The following ZFP82 variants were observed in gnomAD, a reference collection of about 807,000 sequenced individuals.
ZFP82 encodes zinc finger protein 82 homolog.
A neutral mutation model predicts 54.0 loss-of-function variants in ZFP82; 30 were observed. The observed-to-expected ratio is 0.56, with a 90% CI of 0.42 to 0.75. The LOEUF (loss-of-function observed/expected upper bound fraction) is 0.75. Ranked by LOEUF, ZFP82 falls within the 30% of genes least tolerant of loss-of-function variation. ZFP82 has a pLI of 0.00. For missense variants in ZFP82, 500 were observed against 636.8 expected (o/e 0.79, Z 2.31); for synonymous variants, 194 against 209.5 (o/e 0.93, Z 0.64).
At chr19:36,383,304 T>G (rs1345347293) in exon 2 of ZFP82, 1 of 152,184 alleles carries the variant, frequency 6.6e-6, no homozygotes, top group African/African-American at 2.4e-5. Context: ...CTAACATACC[T>G]GCCTTAATGA....
chr19:36,406,050 ATTG>A (rs2032476487), intron 3 of ZFP82, among the ~76,000 whole-genome samples: 3 of 152,152 alleles, frequency 2.0e-5, no homozygotes, highest in South Asian at 4.1e-4. Context: ...TTATATGATT[ATTG>A]TTAAGATTAT....
intron 1 of ZFP82, among the ~76,000 whole-genome samples, chr19:36,412,794 CTGACAATGCTTGCTACAA>C (rs1311077961): frequency 1.3e-5 from 2 of 152,226 alleles, no homozygotes; most frequent in Non-Finnish European, 2.9e-5. Context: ...TGGTCGTGAC[CTGACAATGCTTGCTACAA>C]TCAGCTGTCT....
chr19:36,405,443 C>T, intron 4 of ZFP82, 137 bp downstream of exon 4: 5 of 537,174 alleles, frequency 9.3e-6, no homozygotes, highest in Non-Finnish European at 1.6e-5. Flanking sequence ...GACCTTTCCT[C>T]CTTGGGCCAC....
chr19:36,401,530 C>T (rs2032384549), intron 4 of ZFP82, among the ~76,000 whole-genome samples: 1 of 152,210 alleles, frequency 6.6e-6, no homozygotes, highest in Non-Finnish European at 1.5e-5. Context: ...ACAGCGCCTT[C>T]ATACACATCA....
intron 3 of ZFP82, among the ~76,000 whole-genome samples, chr19:36,406,291 A>G (rs2032480298): frequency 6.6e-6 from 1 of 152,178 alleles, no homozygotes; most frequent in African/African-American, 2.4e-5. Flanking sequence ...TAAGTGTACA[A>G]TTCAATGATT....
chr19:36,393,472 CT>C lies in ZFP82; in HGVS notation c.867del (p.Ala290ProfsTer8). The C allele has an allele frequency of 6.2e-7, 1 of 1,613,746 alleles. No individual in the cohort carries two copies. Among genetic ancestry groups the C allele is most frequent in the Non-Finnish European group, 8.5e-7 (1 of 1,179,940 alleles). On this transcript the variant is annotated frameshift_variant, in exon 5 of 5. Coordinates refer to ENST00000392161, the MANE Select transcript of ZFP82 (RefSeq NM_133466.4). LOFTEE classifies it high-confidence loss of function. ...EKPYVCKECG[K>X]AFRQYAHLTR... ...GTCAGGTGTGCGTACTGTCTAAAGG[CT>C]TTTCCACACTCTTTACACACATAGG...
In ZFP82 at chr19:36,417,950, T is replaced by C. The variant is rs891546043; in HGVS notation, c.-79+542A>G. ...GTCGGGTCTGAGCCTTGTTTCGCTG[T>C]TGCCCAGGCTGGAGAGTAGTGGTGC... is the stretch of plus-strand genomic sequence containing the variant. On this transcript the variant is annotated intron_variant, in intron 1 of 4. Coordinates refer to ENST00000392161, the MANE Select transcript of ZFP82 (RefSeq NM_133466.4). 2.0e-5 allele frequency among the ~76,000 whole-genome samples: 3 copies of C among 152,134 alleles called. No homozygotes were observed. The East Asian group carries it at 5.8e-4, about 29-fold the overall frequency.
At chr19:36,416,028 T>C (rs1310379825) in intron 1 of ZFP82, among the ~76,000 whole-genome samples, 1 of 152,242 alleles carries the variant, frequency 6.6e-6, no homozygotes, top group African/African-American at 2.4e-5. Context: ...TGTATAATCC[T>C]TGCAAAATGT....
intron 4 of ZFP82, among the ~76,000 whole-genome samples, chr19:36,397,250 G>A (rs894072674): frequency 2.6e-5 from 4 of 151,470 alleles, no homozygotes; most frequent in East Asian, 3.9e-4. Flanking sequence ...ACACCACCAC[G>A]CCCAGCTAAT....
chr19:36,388,922 T>G lies in ZFP82; in HGVS notation c.*3819A>C, dbSNP rs1568480888. On this transcript the variant is annotated 3_prime_UTR_variant, in exon 5 of 5. Transcript: ENST00000392161. ...TATTTCTCAATCCAGATGTTCTAAA[T>G]GCATTGCTTTAAATTTTCTACCAAG... 1.3e-5 allele frequency among the ~76,000 whole-genome samples: 2 copies of G among 152,230 alleles called. No homozygotes were observed.
At chr19:36,404,790 T>C (rs1415795014) in intron 4 of ZFP82, among the ~76,000 whole-genome samples, 1 of 152,238 alleles carries the variant, frequency 6.6e-6, no homozygotes, top group Non-Finnish European at 1.5e-5. Flanking sequence ...CACTTCCCAG[T>C]CTGTCAGAAT....
At position 36,418,613 on chromosome 19, in the gene ZFP82, G is replaced by C. The variant is rs1231272965; in HGVS notation, c.-200C>G. 2.0e-5 allele frequency: 3 copies of C among 152,342 alleles called. No individual in the cohort carries two copies. Among genetic ancestry groups the C allele is most frequent in the African/African-American group, 7.2e-5 (3 of 41,468 alleles). 9.4% of individuals were successfully genotyped at this position (152,342 alleles called of 1,614,324 possible). A position where few individuals can be genotyped will look rare whatever the true frequency, so the allele number is the denominator to read the frequency against. On this transcript the variant is annotated 5_prime_UTR_variant, in exon 1 of 5. Coordinates refer to ENST00000392161, the MANE Select transcript of ZFP82 (RefSeq NM_133466.4). ...CAGCGATGCCCGAACGGAGGAAGCC[G>C]CTGCCGGGTCACGCCACAATCCCCG... is the stretch of plus-strand genomic sequence containing the variant.
chr19:36,385,290 A>C (rs1339220067), downstream of ZFP82, among the ~76,000 whole-genome samples: 2 of 152,218 alleles, frequency 1.3e-5, no homozygotes, highest in African/African-American at 2.4e-5. Context: ...GAGGCCACTC[A>C]TAAGATGTCA....
In ZFP82 at chr19:36,414,700, C is replaced by T. The variant is rs573151117; in HGVS notation, c.-79+3792G>A. On this transcript the variant is annotated intron_variant, in intron 1 of 4. Transcript: ENST00000392161. Reference sequence around the variant, plus strand: ...TTAATAATGTTATCAAAAAAGGATTCACAGAAATCAAAAAGTAGAGCAAGG... The same window carrying T: ...TTAATAATGTTATCAAAAAAGGATTTACAGAAATCAAAAAGTAGAGCAAGG... Among the ~76,000 whole-genome samples the T allele has an allele frequency of 1.9e-4, 29 of 152,054 alleles. No homozygotes were observed. The East Asian group carries it at 5.4e-3, about 28-fold the overall frequency.
In ZFP82 at chr19:36,391,766, C is replaced by T. The variant is rs1468431148; in HGVS notation, c.*975G>A. On this transcript the variant is annotated 3_prime_UTR_variant, in exon 5 of 5. Coordinates refer to ENST00000392161, the MANE Select transcript of ZFP82 (RefSeq NM_133466.4). ...ACAGGCATGGGCCACCTCACCTGGT[C>T]TAGGGTATCTGTTTTTTAATGAACA... is the stretch of plus-strand genomic sequence containing the variant. The T allele has an allele frequency of 6.6e-6, 1 of 152,082 alleles. No individual in the cohort carries two copies. The highest frequency in any genetic ancestry group is 2.4e-5 in the African/African-American group (1 of 41,400). 9.4% of individuals were successfully genotyped at this position (152,082 alleles called of 1,614,324 possible).
intron 1 of ZFP82, among the ~76,000 whole-genome samples, chr19:36,414,783 C>A (rs1261460868): frequency 6.6e-6 from 1 of 151,946 alleles, no homozygotes; most frequent in Non-Finnish European, 1.5e-5. Flanking sequence ...TATCATAAAA[C>A]CAGCTCAAGA....
At chr19:36,408,161 G>T in intron 2 of ZFP82, 148 bp from the exon 3 acceptor site, 1 of 830,890 alleles carries the variant, frequency 1.2e-6, no homozygotes. Flanking sequence ...AGCGAGTCAG[G>T]AAATGAGTGT....
intron 2 of ZFP82, among the ~76,000 whole-genome samples, chr19:36,408,361 T>C (rs1443121464): frequency 1.3e-5 from 2 of 152,168 alleles, no homozygotes; most frequent in African/African-American, 2.4e-5. Context: ...GGAAGGTGAG[T>C]TCTTCCGCCC....
In ZFP82 at chr19:36,407,988, G is replaced by A. The variant is rs759248899; in HGVS notation, c.35C>T (p.Ser12Phe). 1 of 1,613,796 alleles carries A rather than the reference G, an allele frequency of 6.2e-7. No homozygotes were observed. Among genetic ancestry groups the A allele is most frequent in the African/African-American group, 1.3e-5 (1 of 74,874 alleles). The change falls in exon 3 of 5, where the codon TCC becomes TTC. Residue 12 changes from serine (S) to phenylalanine (F), a missense_variant. Physicochemically the swap from Ser to Phe is radical, Grantham distance 155. Transcript: ENST00000392161. ...CCACTCTTCTGGAGAGAAGTCTATG[G>A]ATACATCACTGAACATCACTGATCG... ...ALRSVMFSDV[S>F]IDFSPEEWEY... is the part of the protein sequence containing the mutation.
Sources: gnomAD v4.1 joint callset for allele counts (sites outside exome capture counted in the v4.1 genomes callset) on GRCh38, gnomAD v4.1.1 for gene constraint, MANE v1.5 for transcripts, NCBI Gene and HGNC (gene_info 2026-07-23, HGNC 2026-07-21) for gene names.